Variants in RPTOR observed in about 807,000 individuals in gnomAD.
The protein encoded by RPTOR is regulatory associated protein of MTOR complex 1.
RPTOR carries 21 observed loss-of-function variants against 169.9 expected under a neutral mutation model. The observed-to-expected ratio is 0.12, with a 90% confidence interval of 0.09 to 0.18. The LOEUF (loss-of-function observed/expected upper bound fraction) is 0.18. RPTOR is among the 10% of genes least tolerant of loss of function. The pLI is 1.00. For missense variants in RPTOR, 1,133 were observed against 1,855.9 expected (o/e 0.61, Z 7.16); for synonymous variants, 732 against 753.2 (o/e 0.97, Z 0.46).
rs531065572 is a variant in RPTOR, at chr17:80,936,618, G to A, written c.2920-3878G>A. 6.6e-6 allele frequency among the ~76,000 whole-genome samples: 1 copy of A among 152,300 alleles called. No individual in the cohort carries two copies. Among genetic ancestry groups the A allele is most frequent in the African/African-American group, 2.4e-5 (1 of 41,568 alleles). ...AAAGACTGTATCCTGTATGATCCAT[G>A]TATACAACATTCCAGGGAAGGCAAA... On this transcript the variant is annotated intron_variant, in intron 24 of 33. Transcript: ENST00000306801. This position sits in a 1 kb window ranked among gnomAD's most constrained non-coding sequence, Gnocchi z 4.1.
intron 31 of RPTOR, 77 bp downstream of exon 31, chr17:80,961,557 T>C: frequency 7.0e-7 from 1 of 1,435,640 alleles, no homozygotes; most frequent in Non-Finnish European, 9.4e-7. Context: ...ACGTCCTTGG[T>C]ATTTAAACAG....
rs2066380995 is a variant in RPTOR, at chr17:80,730,471, G to A, written c.508-89G>A. The A allele has an allele frequency of 5.2e-5, 75 of 1,434,714 alleles. No homozygotes were observed. The South Asian group carries it at 9.0e-4, about 17-fold the overall frequency. The allele number at this position is 1,434,714 out of a possible 1,614,324, so 88.9% of individuals were successfully genotyped here. A position where few individuals can be genotyped will look rare whatever the true frequency, so the allele number is the denominator to read the frequency against. On this transcript the variant is annotated intron_variant, in intron 4 of 33. Coordinates refer to ENST00000306801, the MANE Select transcript of RPTOR (RefSeq NM_020761.3). This position sits in a 1 kb window ranked among gnomAD's most constrained non-coding sequence, Gnocchi z 4.2. Reference sequence around the variant, plus strand: ...CGTCTCTCCAGCCACCAGGCTCAATGTGTGTGCCTTTTGTAACGGTGCAGT... The same window carrying A: ...CGTCTCTCCAGCCACCAGGCTCAATATGTGTGCCTTTTGTAACGGTGCAGT...
At chr17:80,891,573 C>T in intron 17 of RPTOR, 147 bp from the exon 18 acceptor site, 2 of 656,880 alleles carry the variant, frequency 3.0e-6, no homozygotes, top group East Asian at 2.5e-5. Flanking sequence ...TCTGACGGTT[C>T]GAAAAGGGAT....
chr17:80,739,541 C>T (rs1001837297), intron 5 of RPTOR, among the ~76,000 whole-genome samples: 2 of 152,144 alleles, frequency 1.3e-5, no homozygotes, highest in African/African-American at 4.8e-5. Context: ...TTCCAGCGTC[C>T]ATGCGGCATT....
chr17:80,858,772 A>C (rs767348931), intron 13 of RPTOR, among the ~76,000 whole-genome samples: 5 of 152,152 alleles, frequency 3.3e-5, no homozygotes, highest in Non-Finnish European at 7.4e-5. Context: ...AGACATTTAG[A>C]GGAGGGCAGG....
At chr17:80,769,871 T>A (rs759870477) in intron 6 of RPTOR, among the ~76,000 whole-genome samples, 2 of 152,146 alleles carry the variant, frequency 1.3e-5, no homozygotes, top group African/African-American at 2.4e-5. Context: ...AAGCTCGAGC[T>A]GGAATTTCTT....
rs1394464570 is a variant in RPTOR, at chr17:80,947,453, A to G, written c.3265+102A>G. 1 of 1,388,294 alleles carries G rather than the reference A, an allele frequency of 7.2e-7. No homozygotes were observed. The allele number at this position is 1,388,294 out of a possible 1,614,324, so 86.0% of individuals were successfully genotyped here. On this transcript the variant is annotated intron_variant, in intron 27 of 33. Coordinates refer to ENST00000306801, the MANE Select transcript of RPTOR (RefSeq NM_020761.3). This position sits in a 1 kb window ranked among gnomAD's most constrained non-coding sequence, Gnocchi z 4.4. Reference sequence around the variant, plus strand: ...GTGTTTGTACATCTGTCTTACAGAAAGCCCTGCTCACACGCGAGGGCCACT... The same window carrying G: ...GTGTTTGTACATCTGTCTTACAGAAGGCCCTGCTCACACGCGAGGGCCACT...
chr17:80,547,223 G>C (rs2084287561), intron 1 of RPTOR, among the ~76,000 whole-genome samples: 2 of 152,206 alleles, frequency 1.3e-5, no homozygotes, highest in African/African-American at 4.8e-5. Flanking sequence ...ATTGGGGGAG[G>C]TTGTATAAAT....
chr17:80,594,930 G>A (rs2065134148), intron 1 of RPTOR, among the ~76,000 whole-genome samples: 1 of 152,144 alleles, frequency 6.6e-6, no homozygotes, highest in Admixed American at 6.5e-5. Context: ...GTTAGAGACA[G>A]GAGGCTCCTT....
intron 10 of RPTOR, among the ~76,000 whole-genome samples, chr17:80,839,794 T>A (rs1355481834): frequency 6.6e-6 from 1 of 152,258 alleles, no homozygotes; most frequent in Admixed American, 6.5e-5. Flanking sequence ...TCTGCTCTTA[T>A]ATAAAATAAT....
chr17:80,620,500 C>A (rs909844557), intron 1 of RPTOR, among the ~76,000 whole-genome samples: 5 of 152,224 alleles, frequency 3.3e-5, no homozygotes, highest in Non-Finnish European at 2.9e-5. Context: ...TGTGGTGGCT[C>A]ACACCTATAA....
intron 13 of RPTOR, among the ~76,000 whole-genome samples, chr17:80,868,159 G>C (rs765415289): frequency 4.6e-5 from 7 of 152,172 alleles, no homozygotes; most frequent in African/African-American, 7.2e-5. Context: ...GACACAGACT[G>C]GGAAAATATT....
At chr17:80,928,127 G>C (rs1054678266) in intron 24 of RPTOR, among the ~76,000 whole-genome samples, 2 of 152,216 alleles carry the variant, frequency 1.3e-5, no homozygotes, top group Non-Finnish European at 2.9e-5. Context: ...AAAGAGCGCC[G>C]TGTTGTGGTC....
intron 33 of RPTOR, 67 bp from the exon 34 acceptor site, chr17:80,964,195 G>GCCCCCCCCCCCC: frequency 3.6e-6 from 4 of 1,105,608 alleles, no homozygotes; most frequent in Admixed American, 1.9e-5. Context: ...GTTGGCCTGC[G>GCCCCCCCCCCCC]CCCCCCCGCC....
intron 22 of RPTOR, among the ~76,000 whole-genome samples, 196 bp from the exon 23 acceptor site, chr17:80,923,294 C>T (rs536537187): frequency 8.5e-5 from 13 of 152,314 alleles, no homozygotes; most frequent in East Asian, 5.8e-4. Context: ...CCCTGCCAGG[C>T]GGGCAACCGA....
chr17:80,818,922 T>C (rs939587026), intron 7 of RPTOR, among the ~76,000 whole-genome samples: 1 of 152,184 alleles, frequency 6.6e-6, no homozygotes, highest in Non-Finnish European at 1.5e-5. Flanking sequence ...CGTGGGAAGC[T>C]CTTTGCTGCT....
chr17:80,706,685 A>G (rs1379240636), intron 3 of RPTOR, among the ~76,000 whole-genome samples: 3 of 152,208 alleles, frequency 2.0e-5, no homozygotes, highest in African/African-American at 7.2e-5. Context: ...GGTTGCCCTC[A>G]GGGCTTTCTG....
intron 1 of RPTOR, among the ~76,000 whole-genome samples, chr17:80,624,656 T>A (rs2065379408): frequency 6.6e-6 from 1 of 152,244 alleles, no homozygotes; most frequent in Admixed American, 6.5e-5. Context: ...GGCAGATTAT[T>A]TAACAGGGAT....
intron 24 of RPTOR, among the ~76,000 whole-genome samples, chr17:80,928,256 T>A (rs1177893647): frequency 6.6e-6 from 1 of 152,110 alleles, no homozygotes; most frequent in East Asian, 1.9e-4. Flanking sequence ...AAAAAAAAAA[T>A]TGTTTTCCTA....
Sources: gnomAD v4.1 joint callset for allele counts (sites outside exome capture counted in the v4.1 genomes callset) on GRCh38, gnomAD v4.1.1 for gene constraint, Gnocchi (gnomAD v3.1) non-coding constraint, MANE v1.5 for transcripts, NCBI Gene and HGNC (gene_info 2026-07-23, HGNC 2026-07-21) for gene names.